Variants in PSIP1 observed in about 807,000 individuals in gnomAD.
PSIP1 encodes the protein PC4 and SRSF1 interacting protein 1, also known as PC4 and SFRS1-interacting protein.
In PSIP1, 19 loss-of-function variants were observed where a neutral mutation model predicts 74.7. That is an observed-to-expected ratio of 0.25 (90% CI 0.18 to 0.37). The LOEUF is 0.37. Ranked by LOEUF, PSIP1 falls within the 10% of genes least tolerant of loss-of-function variation. PSIP1 has a pLI of 1.00. For synonymous variants in PSIP1, 222 were observed against 195.3 expected, an observed-to-expected ratio of 1.14 and a Z score of -1.14; for missense variants, 601 against 614.3, an observed-to-expected ratio of 0.98 and a Z score of 0.23.
At position 15,479,608 on chromosome 9, in the gene PSIP1, T is replaced by G; in HGVS notation, c.536A>C (p.Lys179Thr). 1 of 1,608,448 alleles carries G rather than the reference T, an allele frequency of 6.2e-7. No homozygotes were observed. The highest frequency in any genetic ancestry group is 8.5e-7 in the Non-Finnish European group (1 of 1,177,692). Residue 179 changes from lysine (K) to threonine (T), a missense_variant, in exon 7 of 16, where the codon AAA (lysine) becomes ACA (threonine). Lys to Thr is a moderately conservative substitution (Grantham distance 78). Coordinates refer to ENST00000380733, the MANE Select transcript of PSIP1 (RefSeq NM_033222.5). Reference protein sequence around the residue: ...TASVNLKVSPKRGRPAATEVK... With the variant: ...TASVNLKVSPTRGRPAATEVK... The stretch of plus-strand genomic sequence containing the variant: ...AATCCTACCTGCAGGTCGTCCTCTT[T>G]TAGGACTCACTTTTAGATTAACAGA...
intron 3 of PSIP1, among the ~76,000 whole-genome samples, chr9:15,493,605 A>C (rs2036935919): frequency 6.6e-6 from 1 of 152,200 alleles, no homozygotes; most frequent in Admixed American, 6.5e-5. Context: ...GATAGTTTAT[A>C]AAGAAAAGAG....
At chr9:15,480,582 G>A (rs1214998274) in intron 6 of PSIP1, among the ~76,000 whole-genome samples, 1 of 152,184 alleles carries the variant, frequency 6.6e-6, no homozygotes, top group Non-Finnish European at 1.5e-5. Context: ...GATACTTTAT[G>A]AAAGCACATA....
Position 15,469,014 on chromosome 9 carries a change from A to C in PSIP1, c.1149T>G (p.Leu383=). The change falls in exon 13 of 16, where the codon CTT becomes CTG. Residue 383 remains leucine, a synonymous_variant. Coordinates refer to ENST00000380733, the MANE Select transcript of PSIP1 (RefSeq NM_033222.5). Reference sequence around the variant, plus strand: ...TCTGAGCTTGTTGCATTGTGACCTGAAGTGAAGCAAGTTCATCCAAGGCCT... The same window carrying C: ...TCTGAGCTTGTTGCATTGTGACCTGCAGTGAAGCAAGTTCATCCAAGGCCT... ...CIEALDELAS[L]QVTMQQAQKH... 6.2e-7 allele frequency: 1 copy of C among 1,613,982 alleles called. No homozygotes were observed. The highest frequency in any genetic ancestry group is 1.3e-5 in the African/African-American group (1 of 75,038).
chr9:15,508,994 CAGG>C (rs1242729639), intron 2 of PSIP1, among the ~76,000 whole-genome samples: 2 of 152,188 alleles, frequency 1.3e-5, no homozygotes, highest in African/African-American at 2.4e-5. Context: ...AACTTGTGAA[CAGG>C]AGTTTACGTA....
chr9:15,508,309 A>C (rs2037693496), intron 2 of PSIP1, among the ~76,000 whole-genome samples: 2 of 152,324 alleles, frequency 1.3e-5, no homozygotes, highest in Non-Finnish European at 1.5e-5. Flanking sequence ...CAGAAAAAGG[A>C]ATGTAACTGT....
intron 4 of PSIP1, among the ~76,000 whole-genome samples, chr9:15,488,901 G>T (rs1319201639): frequency 6.6e-6 from 1 of 151,860 alleles, no homozygotes; most frequent in African/African-American, 2.4e-5. Context: ...GGCACCTGTA[G>T]TCCCAGCTAC....
Position 15,465,181 on chromosome 9 carries a change from C to T in PSIP1, c.*339G>A, listed in dbSNP as rs1475541729. 1 of 250,750 alleles carries T rather than the reference C, an allele frequency of 4.0e-6. No individual in the cohort carries two copies. The highest frequency in any genetic ancestry group is 7.7e-6 in the Non-Finnish European group (1 of 130,358). The allele number at this position is 250,750 out of a possible 1,614,324, so 15.5% of individuals were successfully genotyped here. Reference sequence around the variant, plus strand: ...TTTGGGAAAAGAGGCAAGGTTTATACAAGTAGCAGTTTTAAAAATGTAACT... The same window carrying T: ...TTTGGGAAAAGAGGCAAGGTTTATATAAGTAGCAGTTTTAAAAATGTAACT... On this transcript the variant is annotated 3_prime_UTR_variant, in exon 16 of 16. Coordinates refer to ENST00000380733, the MANE Select transcript of PSIP1 (RefSeq NM_033222.5).
chr9:15,465,439 A>G lies in PSIP1; in HGVS notation c.*81T>C, dbSNP rs2035551517. On this transcript the variant is annotated 3_prime_UTR_variant, in exon 16 of 16. Transcript: ENST00000380733. ...CAACATCAAACCTATGCTTATAAAA[A>G]TTTAAAACTTTCAGCAGTCTATTTC... 7.9e-7 allele frequency: 1 copy of G among 1,272,732 alleles called. No homozygotes were observed. The highest frequency in any genetic ancestry group is 1.5e-5 in the African/African-American group (1 of 65,352). 78.8% of individuals were successfully genotyped at this position (1,272,732 alleles called of 1,614,324 possible).
chr9:15,506,822 A>T (rs937530976), intron 2 of PSIP1, among the ~76,000 whole-genome samples, 185 bp from the exon 3 acceptor site: 1 of 152,016 alleles, frequency 6.6e-6, no homozygotes, highest in African/African-American at 2.4e-5. Flanking sequence ...TTCTGTCAAA[A>T]CTCATTTGGT....
At chr9:15,497,476 G>A (rs576462919) in intron 3 of PSIP1, among the ~76,000 whole-genome samples, 1 of 151,970 alleles carries the variant, frequency 6.6e-6, no homozygotes, top group South Asian at 2.1e-4. Flanking sequence ...ACAGGCATGT[G>A]CAACCACGCC....
intron 3 of PSIP1, among the ~76,000 whole-genome samples, chr9:15,496,846 C>G (rs1277977782): frequency 6.6e-6 from 1 of 152,036 alleles, no homozygotes; most frequent in Non-Finnish European, 1.5e-5. Context: ...ATTAAGTTAT[C>G]CAGGAAATGT....
At chr9:15,473,922 AAAAACAAAAAAAAAAC>A (rs746843683) in intron 9 of PSIP1, 71 bp downstream of exon 9, 48,270 of 888,668 alleles carry the variant, frequency 0.054, 951 homozygotes, top group South Asian at 0.077. Context: ...AAACAAAAAA[AAAAACAAAAAAAAAAC>A]AAAGAAAAAA....
chr9:15,500,202 C>T (rs1384749014), intron 3 of PSIP1, among the ~76,000 whole-genome samples: 1 of 152,156 alleles, frequency 6.6e-6, no homozygotes, highest in African/African-American at 2.4e-5. Context: ...CGTGGTGGCT[C>T]ACGCCTGTAA....
intron 3 of PSIP1, among the ~76,000 whole-genome samples, chr9:15,500,893 T>C (rs2037312770): frequency 6.6e-6 from 1 of 152,208 alleles, no homozygotes; most frequent in Admixed American, 6.5e-5. Flanking sequence ...AAACTCAAAC[T>C]GAGCTTCATT....
chr9:15,475,136 A>G (rs555029993), intron 8 of PSIP1, among the ~76,000 whole-genome samples: 37 of 152,326 alleles, frequency 2.4e-4, no homozygotes, highest in African/African-American at 8.9e-4. Context: ...TTAAGTTGGA[A>G]GAGAAGAAAT....
intron 3 of PSIP1, among the ~76,000 whole-genome samples, chr9:15,497,131 AG>A (rs1298886145): frequency 3.3e-5 from 5 of 152,218 alleles, no homozygotes; most frequent in Non-Finnish European, 7.3e-5. Flanking sequence ...TATTCATAAA[AG>A]CCAAAAGTAA....
At chr9:15,481,998 A>C (rs1014553308) in intron 6 of PSIP1, among the ~76,000 whole-genome samples, 2 of 152,182 alleles carry the variant, frequency 1.3e-5, no homozygotes, top group Non-Finnish European at 2.9e-5. Context: ...CTAATATCTT[A>C]AACTACTGAC....
At chr9:15,478,424 T>C in intron 8 of PSIP1, 53 bp downstream of exon 8, 1 of 1,322,822 alleles carries the variant, frequency 7.6e-7, no homozygotes, top group Non-Finnish European at 1.1e-6. Context: ...ATGTGCTTGT[T>C]TAAAGTCAAA....
chr9:15,474,929 T>C (rs897834430), intron 8 of PSIP1, among the ~76,000 whole-genome samples: 23 of 152,320 alleles, frequency 1.5e-4, no homozygotes, highest in African/African-American at 3.1e-4. Context: ...AAGAATTTCA[T>C]TGAGATTTTC....
Sources: allele counts gnomAD v4.1 joint callset (sites outside exome capture counted in the v4.1 genomes callset), GRCh38; gene constraint gnomAD v4.1.1; transcripts MANE v1.5; gene names NCBI Gene and HGNC (gene_info 2026-07-23, HGNC 2026-07-21).